Variants in TRAK2 observed in about 807,000 individuals in gnomAD.
The protein encoded by TRAK2 is trafficking kinesin-binding protein 2.
TRAK2 carries 81 observed loss-of-function variants against 104.6 expected under a neutral mutation model. That is an observed-to-expected ratio of 0.77 (90% CI 0.65 to 0.93). The LOEUF is 0.93. Among genes scored for constraint, TRAK2 ranks in the 40% least tolerant of loss-of-function variants. The pLI, the probability that TRAK2 is intolerant of heterozygous loss-of-function variation, is 0.00. For missense variants in TRAK2, 1,002 were observed against 1,089.0 expected, an observed-to-expected ratio of 0.92 and a Z score of 1.12; for synonymous variants, 406 against 394.4, an observed-to-expected ratio of 1.03 and a Z score of -0.35.
Position 201,380,711 on chromosome 2 carries a change from C to T in TRAK2, c.2577G>A (p.Gln859=). The T allele has an allele frequency of 6.2e-7, 1 of 1,614,068 alleles. No individual in the cohort carries two copies. Among genetic ancestry groups the T allele is most frequent in the Non-Finnish European group, 8.5e-7 (1 of 1,179,976 alleles). ...NPGAQENGRC[Q]EAEIGPQKPD... ...GTTTTTGAGGACCAATTTCTGCCTC[C>T]TGGCATCTTCCATTCTCTTGGGCAC... Residue 859 remains glutamine (Q), a synonymous_variant, in exon 16 of 16, where the codon CAG becomes CAA. Transcript: ENST00000332624.
chr2:201,423,019 A>C (rs960403765), intron 1 of TRAK2, among the ~76,000 whole-genome samples: 1 of 146,450 alleles, frequency 6.8e-6, no homozygotes, highest in Non-Finnish European at 1.5e-5. Context: ...TGTTGGAATA[A>C]CAACAGCAAC....
At chr2:201,430,430 G>C (rs1053719988) in intron 1 of TRAK2, among the ~76,000 whole-genome samples, 3 of 152,256 alleles carry the variant, frequency 2.0e-5, no homozygotes, top group African/African-American at 7.2e-5. Context: ...CCCAGAGGTG[G>C]AGTCTACAGA....
At chr2:201,443,140 C>T (rs1321053501) in intron 1 of TRAK2, among the ~76,000 whole-genome samples, 2 of 152,086 alleles carry the variant, frequency 1.3e-5, no homozygotes, top group Admixed American at 6.6e-5. Context: ...CCTCTACCTA[C>T]CCTCTGTCCT....
intron 1 of TRAK2, among the ~76,000 whole-genome samples, chr2:201,450,728 A>T (rs889573454): frequency 6.6e-6 from 1 of 151,786 alleles, no homozygotes; most frequent in Non-Finnish European, 1.5e-5. Flanking sequence ...AGCAGGTCTA[A>T]GCAAAAGGTG....
rs995653421 is a variant in TRAK2 at position 201,377,345 on chromosome 2, T to C, written c.*3198A>G. Reference sequence around the variant, plus strand: ...CCCTGGCTGCCCTAGAGGGCACTTGTGCCCACTCTGAGGGGGATGTCCTCT... The same window carrying C: ...CCCTGGCTGCCCTAGAGGGCACTTGCGCCCACTCTGAGGGGGATGTCCTCT... On this transcript the variant is annotated 3_prime_UTR_variant, in exon 16 of 16. Transcript: ENST00000332624. 5.3e-5 allele frequency: 8 copies of C among 152,232 alleles called. No individual in the cohort carries two copies. The highest frequency in any genetic ancestry group is 1.7e-4 in the African/African-American group (7 of 41,466). The allele number at this position is 152,232 out of a possible 1,614,324, so 9.4% of individuals were successfully genotyped here. A position where few individuals can be genotyped will look rare whatever the true frequency, so the allele number is the denominator to read the frequency against.
At chr2:201,446,440 T>A (rs1291538622) in intron 1 of TRAK2, among the ~76,000 whole-genome samples, 2 of 152,242 alleles carry the variant, frequency 1.3e-5, no homozygotes. Flanking sequence ...CCGAACACTT[T>A]CTGCTCTTCT....
At chr2:201,383,611 T>A (rs1559436113) in intron 15 of TRAK2, among the ~76,000 whole-genome samples, 1 of 152,354 alleles carries the variant, frequency 6.6e-6, no homozygotes, top group East Asian at 1.9e-4. Flanking sequence ...CTCTGCCCTA[T>A]GCCTTTCTTC....
chr2:201,423,613 T>C (rs1951761594), intron 1 of TRAK2: 1 of 152,290 alleles, frequency 6.6e-6, no homozygotes. Context: ...AAAATAAAAT[T>C]TTTTTAAAAA....
At position 201,420,426 on chromosome 2, in the gene TRAK2, T is replaced by A; in HGVS notation, c.82A>T (p.Ser28Cys). The A allele has an allele frequency of 2.5e-6, 4 of 1,613,850 alleles. No homozygotes were observed. The South Asian group carries it at 4.4e-5, about 18-fold the overall frequency. The stretch of plus-strand genomic sequence containing the variant: ...ATTAAACTGGACTTACCAGTGATGC[T>A]CTCCGAGTCTCTGTGATTGCTATTC... ...LMNSNHRDSE[S>C]ITDVCSNEDL... Residue 28 changes from serine (S) to cysteine (C), a missense_variant, in exon 2 of 16, where the codon AGC becomes TGC. Physicochemically the swap from Ser to Cys is moderately radical, Grantham distance 112. Transcript: ENST00000332624.
At chr2:201,428,408 C>A (rs1271491261) in intron 1 of TRAK2, among the ~76,000 whole-genome samples, 2 of 152,174 alleles carry the variant, frequency 1.3e-5, no homozygotes, top group Non-Finnish European at 2.9e-5. Flanking sequence ...TTTCCCAGCA[C>A]CATTTATTAA....
At chr2:201,410,823 C>T in intron 2 of TRAK2, 1 of 1,606,902 alleles carries the variant, frequency 6.2e-7, no homozygotes, top group Non-Finnish European at 8.5e-7. Context: ...TAAGGGCAGA[C>T]ATATCTGTGG....
At chr2:201,443,923 G>A (rs1330605210) in intron 1 of TRAK2, among the ~76,000 whole-genome samples, 1 of 152,092 alleles carries the variant, frequency 6.6e-6, no homozygotes, top group Non-Finnish European at 1.5e-5. Context: ...AATCCAGGGC[G>A]GCCGCAGTGG....
chr2:201,386,351 T>C lies in TRAK2; in HGVS notation c.1830A>G (p.Leu610=). Residue 610 remains leucine (L), a synonymous_variant, in exon 14 of 16, where the codon TTA becomes TTG. Transcript: ENST00000332624. ...TAATACCCTCCTCTTCATCCTCTTCTAAATCTGAGATGTGATAAATAGCAT... is the reference window on the plus strand; with the variant it reads ...TAATACCCTCCTCTTCATCCTCTTCCAAATCTGAGATGTGATAAATAGCAT... ...PGDAIYHISD[L]EEDEEEGITF... 6.2e-7 allele frequency: 1 copy of C among 1,614,166 alleles called. No homozygotes were observed. The highest frequency in any genetic ancestry group is 8.5e-7 in the Non-Finnish European group (1 of 1,180,024).
chr2:201,377,517 AAGT>A lies in TRAK2; in HGVS notation c.*3023_*3025del, dbSNP rs750989444. ...TCACAAGTTGATGTTAGTAACCACCAAGTACTAATTCTGTACTAAAATGGTCAG... is the reference window on the plus strand; with the variant it reads ...TCACAAGTTGATGTTAGTAACCACCAACTAATTCTGTACTAAAATGGTCAG... On this transcript the variant is annotated 3_prime_UTR_variant, in exon 16 of 16. Coordinates refer to ENST00000332624, the MANE Select transcript of TRAK2 (RefSeq NM_015049.3). 95 of 152,492 alleles carry A rather than the reference AAGT, an allele frequency of 6.2e-4. 1 individual carries two copies. The Middle Eastern group carries it at 0.027, about 44-fold the overall frequency. 9.4% of individuals were successfully genotyped at this position (152,492 alleles called of 1,614,324 possible). A position where few individuals can be genotyped will look rare whatever the true frequency, so the allele number is the denominator to read the frequency against.
intron 2 of TRAK2, chr2:201,410,896 G>A: frequency 6.3e-7 from 1 of 1,587,904 alleles, no homozygotes; most frequent in South Asian, 1.1e-5. Flanking sequence ...GTTTGGCAAA[G>A]TGGGAGGTGT....
At chr2:201,389,567 T>G (rs1576507209) in intron 11 of TRAK2, 64 bp from the exon 12 acceptor site, 1 of 1,290,560 alleles carries the variant, frequency 7.7e-7, no homozygotes, top group East Asian at 2.3e-5. Context: ...GAGAAGAGAA[T>G]GTATGTGCAG....
chr2:201,389,329 G>T lies in TRAK2; in HGVS notation c.1368C>A (p.Asn456Lys). 6.2e-7 allele frequency: 1 copy of T among 1,614,132 alleles called. No individual in the cohort carries two copies. Among genetic ancestry groups the T allele is most frequent in the Non-Finnish European group, 8.5e-7 (1 of 1,180,018 alleles). Residue 456 changes from asparagine (N) to lysine (K), a missense_variant, in exon 12 of 16, where the codon AAC becomes AAA. Coordinates refer to ENST00000332624, the MANE Select transcript of TRAK2 (RefSeq NM_015049.3). The part of the protein sequence containing the change: ...LQQTEDKSLL[N>K]QGSSSEEVAG... Reference sequence around the variant, plus strand: ...CAACCTCCTCTGAGCTGCTCCCCTGGTTCAGGAGTGATTTGTCCTCTGTTT... The same window carrying T: ...CAACCTCCTCTGAGCTGCTCCCCTGTTTCAGGAGTGATTTGTCCTCTGTTT...
At position 201,438,186 on chromosome 2, in the gene TRAK2, C is replaced by T. The variant is rs535080762; in HGVS notation, c.-200+13164G>A. Among the ~76,000 whole-genome samples, 8 of 152,238 alleles carry T rather than the reference C, an allele frequency of 5.3e-5. No homozygotes were observed. In the East Asian group the frequency reaches 1.4e-3, roughly 26 times the overall value. The stretch of plus-strand genomic sequence containing the variant: ...AAAATCAAAACATTTTAGTGAAATT[C>T]GTGCCTTTACTGAACAATAAAACAA... On this transcript the variant is annotated intron_variant, in intron 1 of 15. Transcript: ENST00000332624.
chr2:201,442,028 T>C (rs545792820), intron 1 of TRAK2, among the ~76,000 whole-genome samples: 1 of 151,868 alleles, frequency 6.6e-6, no homozygotes, highest in South Asian at 2.1e-4. Flanking sequence ...AACTTCCTTT[T>C]GTTTCAACTT....
Sources: allele counts gnomAD v4.1 joint callset (sites outside exome capture counted in the v4.1 genomes callset), GRCh38; gene constraint gnomAD v4.1.1; transcripts MANE v1.5; gene names NCBI Gene and HGNC (gene_info 2026-07-23, HGNC 2026-07-21).